The following SPATA45 variants were observed in gnomAD, a reference collection of about 807,000 sequenced individuals.
SPATA45 encodes the protein spermatogenesis associated 45.
Under a neutral mutation model 7.0 loss-of-function variants are expected in SPATA45, and 5 were observed. That is an observed-to-expected ratio of 0.71 (90% CI 0.37 to 1.50). SPATA45 has a LOEUF of 1.50. SPATA45 is among the 40% of genes most tolerant of loss of function. SPATA45 has a pLI of 0.03. For synonymous variants in SPATA45, 40 were observed against 38.7 expected, an observed-to-expected ratio of 1.03 and a Z score of -0.13; for missense variants, 111 against 114.9, an observed-to-expected ratio of 0.97 and a Z score of 0.16.
chr1:212,831,441 C>G (rs912747690), intron 2 of SPATA45, among the ~76,000 whole-genome samples: 2 of 149,626 alleles, frequency 1.3e-5, no homozygotes, highest in African/African-American at 4.9e-5. Flanking sequence ...CCACTGCGCT[C>G]CAGCCCCAGT....
intron 1 of SPATA45, among the ~76,000 whole-genome samples, chr1:212,842,155 AT>A (rs1663699239): frequency 6.6e-6 from 1 of 151,486 alleles, no homozygotes; most frequent in African/African-American, 2.4e-5. Flanking sequence ...AGGCGGGTGG[AT>A]CACCTGACGT....
intron 2 of SPATA45, among the ~76,000 whole-genome samples, chr1:212,835,669 C>T (rs1344322614): frequency 5.3e-5 from 8 of 151,144 alleles, no homozygotes; most frequent in Non-Finnish European, 1.2e-4. Flanking sequence ...CCCGTCTCTA[C>T]TAAAAAATAC....
chr1:212,830,401 G>T (rs760778402), intron 2 of SPATA45, 140 bp from the exon 3 acceptor site: 7 of 517,574 alleles, frequency 1.4e-5, no homozygotes, highest in South Asian at 1.0e-4. Flanking sequence ...GCCGGGTGCG[G>T]TGGCTCACAC....
At chr1:212,843,531 G>A (rs1158706351) in intron 1 of SPATA45, among the ~76,000 whole-genome samples, 1 of 152,296 alleles carries the variant, frequency 6.6e-6, no homozygotes, top group Admixed American at 6.5e-5. Context: ...TGTGTGACTA[G>A]AATTGGCTAC....
intron 1 of SPATA45, among the ~76,000 whole-genome samples, chr1:212,845,285 C>T (rs777212604): frequency 3.9e-5 from 6 of 152,208 alleles, no homozygotes; most frequent in Admixed American, 2.0e-4. Context: ...CTTCCCTACA[C>T]ATCAAGCTTG....
At chr1:212,832,294 G>A (rs1167372247) in intron 2 of SPATA45, among the ~76,000 whole-genome samples, 1 of 148,140 alleles carries the variant, frequency 6.8e-6, no homozygotes, top group African/African-American at 2.5e-5. Flanking sequence ...GTGAGCCACT[G>A]TGCCCGGCTG....
At chr1:212,842,891 A>G (rs1000603879) in intron 1 of SPATA45, among the ~76,000 whole-genome samples, 9 of 150,702 alleles carry the variant, frequency 6.0e-5, no homozygotes, top group South Asian at 2.1e-4. Flanking sequence ...GATCAAGACC[A>G]TCCTGGCTAA....
At chr1:212,832,022 T>TTC (rs1179801711) in intron 2 of SPATA45, among the ~76,000 whole-genome samples, 1 of 133,490 alleles carries the variant, frequency 7.5e-6, no homozygotes, top group African/African-American at 2.7e-5. Flanking sequence ...TTCCTTTTTT[T>TTC]TTTTTTTTTT....
At chr1:212,845,924 G>A (rs1286958008) in intron 1 of SPATA45, among the ~76,000 whole-genome samples, 2 of 152,060 alleles carry the variant, frequency 1.3e-5, no homozygotes, top group Non-Finnish European at 2.9e-5. Context: ...ATCTGGCCTG[G>A]TATATGACAA....
At chr1:212,844,792 C>T (rs1663759748) in intron 1 of SPATA45, among the ~76,000 whole-genome samples, 1 of 152,184 alleles carries the variant, frequency 6.6e-6, no homozygotes, top group Non-Finnish European at 1.5e-5. Flanking sequence ...ACGCAAGTAT[C>T]CTCTATCATT....
chr1:212,841,631 C>CTTTTTT (rs5780702), intron 1 of SPATA45, among the ~76,000 whole-genome samples: 9 of 125,222 alleles, frequency 7.2e-5, no homozygotes, highest in East Asian at 2.3e-4. Flanking sequence ...AGGTATCTTT[C>CTTTTTT]TTTTTTTTTT....
rs140569935 is a variant in SPATA45, at chr1:212,835,113, T to G, written c.277+760A>C. Among the ~76,000 whole-genome samples, 586 of 151,754 alleles carry G rather than the reference T, an allele frequency of 3.9e-3. 11 individuals are homozygous for G. The highest frequency in any genetic ancestry group is 0.013 in the African/African-American group (559 of 41,512). On this transcript the variant is annotated intron_variant, in intron 2 of 2. Coordinates refer to ENST00000332912, the MANE Select transcript of SPATA45 (RefSeq NM_001024601.3). ...AGCCTAGTTTAATGACACTTTTACC[T>G]TCAAACAGATTGCCTTTATGCTATA...
At chr1:212,831,039 T>A (rs1406387072) in intron 2 of SPATA45, among the ~76,000 whole-genome samples, 1 of 150,976 alleles carries the variant, frequency 6.6e-6, no homozygotes, top group Non-Finnish European at 1.5e-5. Context: ...CTCTGGAGGC[T>A]GAGGCAGGAG....
At chr1:212,842,427 G>A (rs1019727654) in intron 1 of SPATA45, among the ~76,000 whole-genome samples, 14 of 152,070 alleles carry the variant, frequency 9.2e-5, no homozygotes, top group Non-Finnish European at 1.8e-4. Context: ...TAGGTGAACT[G>A]CAAATAAAAC....
At chr1:212,838,441 G>A (rs1663626753) in intron 1 of SPATA45, among the ~76,000 whole-genome samples, 1 of 151,656 alleles carries the variant, frequency 6.6e-6, no homozygotes, top group Admixed American at 6.6e-5. Context: ...GCAAAGATAT[G>A]GAGGACCTGG....
intron 1 of SPATA45, among the ~76,000 whole-genome samples, chr1:212,841,016 C>T (rs1366794297): frequency 6.6e-6 from 1 of 152,078 alleles, no homozygotes; most frequent in Non-Finnish European, 1.5e-5. Flanking sequence ...TATCGGCTCA[C>T]TGCAACCCTG....
chr1:212,846,896 T>C (rs1400095774), intron 1 of SPATA45, among the ~76,000 whole-genome samples: 1 of 152,162 alleles, frequency 6.6e-6, no homozygotes, highest in Non-Finnish European at 1.5e-5. Flanking sequence ...TTTTCTTTTT[T>C]TCTCTTTCTG....
intron 1 of SPATA45, among the ~76,000 whole-genome samples, chr1:212,843,500 T>A (rs980332072): frequency 6.6e-6 from 1 of 152,206 alleles, no homozygotes; most frequent in Non-Finnish European, 1.5e-5. Context: ...TTCTCCCCAG[T>A]TTCTAATCTT....
At chr1:212,846,880 T>C (rs911707241) in intron 1 of SPATA45, among the ~76,000 whole-genome samples, 46 of 152,034 alleles carry the variant, frequency 3.0e-4, no homozygotes, top group Non-Finnish European at 7.4e-5. Context: ...TTGAAACTTC[T>C]TTTTCTTTTC....
Sources: allele counts gnomAD v4.1 joint callset (sites outside exome capture counted in the v4.1 genomes callset), GRCh38; gene constraint gnomAD v4.1.1; transcripts MANE v1.5; gene names NCBI Gene and HGNC (gene_info 2026-07-23, HGNC 2026-07-21).